The following DLGAP2 variants were observed in gnomAD, a reference collection of about 807,000 sequenced individuals.
The protein encoded by DLGAP2 is DLG associated protein 2.
Under a neutral mutation model 100.3 loss-of-function variants are expected in DLGAP2, and 26 were observed. That is an observed-to-expected ratio of 0.26 (90% CI 0.19 to 0.36). The LOEUF (loss-of-function observed/expected upper bound fraction) is 0.36, where lower values mean the gene tolerates loss of function less well. DLGAP2 is among the 10% of genes least tolerant of loss of function. DLGAP2 has a pLI of 1.00. For missense variants in DLGAP2, 1,858 were observed against 1,453.2 expected (o/e 1.28, Z -4.53); for synonymous variants, 886 against 630.1 (o/e 1.41, Z -6.08).
chr8:1,121,698 ACCC>A (rs1796053028), intron 2 of DLGAP2, among the ~76,000 whole-genome samples: 1 of 84,202 alleles, frequency 1.2e-5, no homozygotes. Context: ...TCTTTCCTGA[ACCC>A]ATGACCACCC....
chr8:1,049,097 C>A (rs1399075553), intron 2 of DLGAP2, among the ~76,000 whole-genome samples: 1 of 152,178 alleles, frequency 6.6e-6, no homozygotes, highest in Non-Finnish European at 1.5e-5. Context: ...CTGCAAAATA[C>A]ATGGGAGGGG....
Position 1,685,152 on chromosome 8 carries a change from G to A in DLGAP2, c.2705-6383G>A, listed in dbSNP as rs1218453300. 2.0e-5 allele frequency among the ~76,000 whole-genome samples: 3 copies of A among 151,250 alleles called. No individual in the cohort carries two copies. The East Asian group carries it at 5.8e-4, about 29-fold the overall frequency. On this transcript the variant is annotated intron_variant, in intron 12 of 14. Coordinates refer to ENST00000637795, the MANE Select transcript of DLGAP2 (RefSeq NM_001346810.2). The stretch of plus-strand genomic sequence containing the variant: ...TGCTGAGACAAAATGGTCTGGATGG[G>A]GAGAAGCACCCCGGCAGTTGGCACT...
Position 1,657,871 on chromosome 8 carries a change from G to T in DLGAP2, c.1811-10458G>T, listed in dbSNP as rs527911777. Among the ~76,000 whole-genome samples the T allele has an allele frequency of 1.5e-3, 223 of 152,274 alleles. 3 individuals carry two copies. Among genetic ancestry groups the T allele is most frequent in the South Asian group, 0.01 (49 of 4,824 alleles). On this transcript the variant is annotated intron_variant, in intron 8 of 14. Transcript: ENST00000637795. ...CTGGGGTATAAACCCTGGTCCTTTTGTCACAGCCGAGAAAGAATTTACGAC... is the reference window on the plus strand; with the variant it reads ...CTGGGGTATAAACCCTGGTCCTTTTTTCACAGCCGAGAAAGAATTTACGAC...
chr8:916,129 C>A (rs561545219), intron 2 of DLGAP2, among the ~76,000 whole-genome samples: 1 of 152,218 alleles, frequency 6.6e-6, no homozygotes, highest in Non-Finnish European at 1.5e-5. Flanking sequence ...CATGAGTCCT[C>A]CTCACTGTAG....
chr8:1,541,786 T>C lies in DLGAP2; in HGVS notation c.173-6840T>C, dbSNP rs557566140. Among the ~76,000 whole-genome samples the C allele has an allele frequency of 3.3e-5, 5 of 152,344 alleles. No homozygotes were observed. The East Asian group carries it at 7.7e-4, about 24-fold the overall frequency. On this transcript the variant is annotated intron_variant, in intron 4 of 14. Transcript: ENST00000637795. ...TTGTGTGTAACTCAAACTCACATTA[T>C]CGGGTCAGTTAACAGATTTACTAAT...
chr8:967,771 ATATATATG>A (rs200447109), intron 2 of DLGAP2, among the ~76,000 whole-genome samples: 23,182 of 72,464 alleles, frequency 0.32, 5,659 homozygotes, highest in Admixed American at 0.48. Context: ...AGGTGTATAT[ATATATATG>A]TATATATATA....
intron 12 of DLGAP2, among the ~76,000 whole-genome samples, chr8:1,685,635 C>T (rs1036166348): frequency 6.6e-6 from 1 of 151,868 alleles, no homozygotes; most frequent in African/African-American, 2.4e-5. Flanking sequence ...AAGGAAACAG[C>T]AGAGTGAAAA....
intron 3 of DLGAP2, among the ~76,000 whole-genome samples, chr8:1,359,685 C>T (rs564575703): frequency 3.9e-5 from 6 of 152,358 alleles, no homozygotes; most frequent in South Asian, 2.1e-4. Context: ...CCCAATCCCA[C>T]GGTAGACGCT....
At chr8:1,633,325 G>T (rs1394089894) in intron 8 of DLGAP2, among the ~76,000 whole-genome samples, 4 of 152,162 alleles carry the variant, frequency 2.6e-5, no homozygotes, top group Non-Finnish European at 5.9e-5. Context: ...AGAAAGAAAT[G>T]GAAGTGCTAG....
At chr8:928,142 TC>T in intron 2 of DLGAP2, among the ~76,000 whole-genome samples, 2 of 152,282 alleles carry the variant, frequency 1.3e-5, no homozygotes, top group South Asian at 4.1e-4. Flanking sequence ...TAGGAGAATT[TC>T]TGGTCATGTC....
chr8:1,033,547 A>G lies in DLGAP2; in HGVS notation c.73+125581A>G, dbSNP rs536670131. On this transcript the variant is annotated intron_variant, in intron 2 of 14. Transcript: ENST00000637795. Reference sequence around the variant, plus strand: ...GCTGGGCATGGTGGTGCATGCCTGTAGTCCCAGCTACTAGGGGGGCCAAGG... The same window carrying G: ...GCTGGGCATGGTGGTGCATGCCTGTGGTCCCAGCTACTAGGGGGGCCAAGG... 1.0e-3 allele frequency among the ~76,000 whole-genome samples: 152 copies of G among 152,306 alleles called. 1 individual carries two copies. Among genetic ancestry groups the G allele is most frequent in the Non-Finnish European group, 1.4e-3 (96 of 68,020 alleles).
At chr8:1,047,687 A>G (rs1364661543) in intron 2 of DLGAP2, among the ~76,000 whole-genome samples, 1 of 151,548 alleles carries the variant, frequency 6.6e-6, no homozygotes, top group Non-Finnish European at 1.5e-5. Context: ...ACTGTGTCCC[A>G]CAGAAGGCCA....
chr8:1,313,040 A>T (rs1283557964), intron 3 of DLGAP2, among the ~76,000 whole-genome samples: 2 of 152,240 alleles, frequency 1.3e-5, no homozygotes, highest in Non-Finnish European at 2.9e-5. Context: ...TGAGACGCAC[A>T]TGTGCCTGCC....
At chr8:1,339,984 A>T (rs1224310983) in intron 3 of DLGAP2, among the ~76,000 whole-genome samples, 2 of 152,232 alleles carry the variant, frequency 1.3e-5, no homozygotes, top group African/African-American at 4.8e-5. Context: ...TCATTCAAAT[A>T]CCTTATGTTT....
chr8:912,631 C>T lies in DLGAP2; in HGVS notation c.73+4665C>T, dbSNP rs565749438. 8.6e-5 allele frequency among the ~76,000 whole-genome samples: 13 copies of T among 151,526 alleles called. No homozygotes were observed. In the South Asian group the frequency reaches 2.1e-3, roughly 24 times the overall value. On this transcript the variant is annotated intron_variant, in intron 2 of 14. Coordinates refer to ENST00000637795, the MANE Select transcript of DLGAP2 (RefSeq NM_001346810.2). ...TGCTCCGTGGTGCCCGCCTTCCTCTCTGTGGAGCTGAGCCCCACACCACAG... is the reference window on the plus strand; with the variant it reads ...TGCTCCGTGGTGCCCGCCTTCCTCTTTGTGGAGCTGAGCCCCACACCACAG...
chr8:766,321 C>T (rs1001214684), intron 1 of DLGAP2, among the ~76,000 whole-genome samples: 3 of 152,224 alleles, frequency 2.0e-5, no homozygotes, highest in Non-Finnish European at 4.4e-5. Context: ...CGTCACCCTG[C>T]GGTGTGGCTG....
At chr8:1,534,973 C>G (rs1166801332) in intron 4 of DLGAP2, among the ~76,000 whole-genome samples, 1 of 152,220 alleles carries the variant, frequency 6.6e-6, no homozygotes, top group Non-Finnish European at 1.5e-5. Flanking sequence ...CCAAGGTGGC[C>G]TTTTGACTCC....
intron 1 of DLGAP2, among the ~76,000 whole-genome samples, chr8:743,419 G>C (rs1820536432): frequency 6.6e-6 from 1 of 152,136 alleles, no homozygotes; most frequent in African/African-American, 2.4e-5. Flanking sequence ...CTTATATTCA[G>C]GGGCTGGGGT....
At chr8:834,597 C>T (rs1796838901) in intron 1 of DLGAP2, among the ~76,000 whole-genome samples, 1 of 152,172 alleles carries the variant, frequency 6.6e-6, no homozygotes, top group South Asian at 2.1e-4. Flanking sequence ...CTTTAAAACA[C>T]TCTGTCTTCC....
Sources: gnomAD v4.1 joint callset for allele counts (sites outside exome capture counted in the v4.1 genomes callset) on GRCh38, gnomAD v4.1.1 for gene constraint, MANE v1.5 for transcripts, NCBI Gene and HGNC (gene_info 2026-07-23, HGNC 2026-07-21) for gene names.